Variants in TMEM108 observed in about 807,000 individuals in gnomAD.
TMEM108 encodes the protein cancer/testis antigen 124.
TMEM108 carries 12 observed loss-of-function variants against 35.1 expected under a neutral mutation model. The observed-to-expected ratio is 0.34, with a 90% CI of 0.22 to 0.55. The LOEUF (loss-of-function observed/expected upper bound fraction) is 0.55, where lower values mean the gene tolerates loss of function less well. TMEM108 is among the 20% of genes least tolerant of loss of function. The probability of loss-of-function intolerance (pLI) is 0.89; values close to 1 mark genes in which losing one functional copy is unlikely to be tolerated. For missense variants in TMEM108, 680 were observed against 753.3 expected (o/e 0.90, Z 1.14); for synonymous variants, 287 against 308.6 (o/e 0.93, Z 0.73).
At chr3:133,235,450 A>T (rs539457175) in intron 3 of TMEM108, among the ~76,000 whole-genome samples, 16 of 152,200 alleles carry the variant, frequency 1.1e-4, no homozygotes, top group Admixed American at 5.9e-4. Flanking sequence ...ATAACGCTGC[A>T]TATCTACAAC....
chr3:133,206,407 T>C (rs910368906), intron 2 of TMEM108, among the ~76,000 whole-genome samples: 1 of 152,256 alleles, frequency 6.6e-6, no homozygotes, highest in South Asian at 2.1e-4. Context: ...TTCAGCCTTT[T>C]TGGGCAGGTT....
At chr3:133,272,894 G>GGAT (rs564455161) in intron 3 of TMEM108, among the ~76,000 whole-genome samples, 64 of 152,280 alleles carry the variant, frequency 4.2e-4, no homozygotes, top group Non-Finnish European at 7.2e-4. Flanking sequence ...CAGATGCCAG[G>GGAT]GATGCTTAAC....
chr3:133,386,587 C>A, intron 4 of TMEM108: 1 of 1,462,788 alleles, frequency 6.8e-7, no homozygotes, highest in South Asian at 1.4e-5. Context: ...TAATTCCCAA[C>A]TCTGTTTTAA....
rs59215786 is a variant in TMEM108, at chr3:133,310,530, C to CTTTTTTTTTT, written c.41-69202_41-69193dup. On this transcript the variant is annotated intron_variant, in intron 3 of 5. Transcript: ENST00000321871. Reference sequence around the variant, plus strand: ...TCAGAGACTAGGATTGCAACCCCTGCTTTTTTTTTTTTTTTTTTTTTTTTT... The same window carrying CTTTTTTTTTT: ...TCAGAGACTAGGATTGCAACCCCTGCTTTTTTTTTTTTTTTTTTTTTTTTTTTTTTTTTTT... Among the ~76,000 whole-genome samples the CTTTTTTTTTT allele has an allele frequency of 2.2e-4, 5 of 22,250 alleles. 1 individual carries two copies. Among genetic ancestry groups the CTTTTTTTTTT allele is most frequent in the African/African-American group, 6.1e-4 (4 of 6,576 alleles). The allele number at this position is 22,250 out of a possible 152,430, so 14.6% of individuals were successfully genotyped here.
At chr3:133,314,069 T>C (rs780310842) in intron 3 of TMEM108, among the ~76,000 whole-genome samples, 4 of 152,170 alleles carry the variant, frequency 2.6e-5, no homozygotes, top group African/African-American at 4.8e-5. Flanking sequence ...TCTGATTTGA[T>C]TCCTGCCATG....
At chr3:133,296,606 T>A (rs1947148540) in intron 3 of TMEM108, among the ~76,000 whole-genome samples, 1 of 151,488 alleles carries the variant, frequency 6.6e-6, no homozygotes, top group Admixed American at 6.6e-5. Flanking sequence ...TTTGTCCAGA[T>A]CTCTGTCCCA....
intron 3 of TMEM108, among the ~76,000 whole-genome samples, chr3:133,331,884 C>G (rs1184927871): frequency 6.6e-6 from 1 of 152,198 alleles, no homozygotes; most frequent in East Asian, 1.9e-4. Flanking sequence ...GTTCAATTTT[C>G]TGGCTACAGG....
intron 2 of TMEM108, among the ~76,000 whole-genome samples, chr3:133,220,312 C>T (rs1329690889): frequency 2.0e-5 from 3 of 151,596 alleles, no homozygotes; most frequent in Non-Finnish European, 2.9e-5. Flanking sequence ...AGTCTCACTG[C>T]GTTGACCAGG....
At chr3:133,217,409 G>A (rs1335837030) in intron 2 of TMEM108, among the ~76,000 whole-genome samples, 1 of 151,832 alleles carries the variant, frequency 6.6e-6, no homozygotes, top group Non-Finnish European at 1.5e-5. Flanking sequence ...TTCTTTTGCT[G>A]TATAAAAGCT....
At chr3:133,061,553 C>T (rs957057427) in intron 2 of TMEM108, among the ~76,000 whole-genome samples, 1 of 152,182 alleles carries the variant, frequency 6.6e-6, no homozygotes, top group Non-Finnish European at 1.5e-5. Flanking sequence ...ATATTTAAAA[C>T]ATGCATTGCC....
At chr3:133,307,731 A>T (rs936152271) in intron 3 of TMEM108, among the ~76,000 whole-genome samples, 4 of 152,044 alleles carry the variant, frequency 2.6e-5, no homozygotes, top group Non-Finnish European at 5.9e-5. Flanking sequence ...ATCGGTCTGT[A>T]TATCTGTTTT....
At chr3:133,216,553 G>T (rs916249641) in intron 2 of TMEM108, among the ~76,000 whole-genome samples, 1 of 151,944 alleles carries the variant, frequency 6.6e-6, no homozygotes, top group African/African-American at 2.4e-5. Context: ...GAATTTATTT[G>T]TCCTAACTGA....
chr3:133,101,495 A>T (rs1944086838), intron 2 of TMEM108, among the ~76,000 whole-genome samples: 1 of 152,230 alleles, frequency 6.6e-6, no homozygotes, highest in African/African-American at 2.4e-5. Context: ...ATGTATGTAG[A>T]ACTTTTGGGG....
intron 2 of TMEM108, among the ~76,000 whole-genome samples, chr3:133,226,329 G>C (rs1946070501): frequency 6.6e-6 from 1 of 152,208 alleles, no homozygotes; most frequent in Non-Finnish European, 1.5e-5. Flanking sequence ...GGAAAGGCAA[G>C]GGAATTCTCT....
At chr3:133,193,002 C>A (rs1421265070) in intron 2 of TMEM108, among the ~76,000 whole-genome samples, 1 of 152,032 alleles carries the variant, frequency 6.6e-6, no homozygotes, top group Admixed American at 6.6e-5. Flanking sequence ...CATGAGAAAT[C>A]TTTTTCAGGA....
chr3:133,249,645 C>A (rs1349297), intron 3 of TMEM108, among the ~76,000 whole-genome samples: 92,754 of 152,002 alleles, frequency 0.61, 28,255 homozygotes, highest in South Asian at 0.65. Flanking sequence ...TGGTTTTATT[C>A]TTTTTTATGG....
intron 3 of TMEM108, chr3:133,247,607 C>T (rs994067856): frequency 6.6e-6 from 1 of 150,922 alleles, no homozygotes; most frequent in African/African-American, 2.4e-5. Context: ...TATTTTCAAT[C>T]CATATTTATA....
chr3:133,143,551 G>T (rs908425790), intron 2 of TMEM108, among the ~76,000 whole-genome samples: 3 of 152,044 alleles, frequency 2.0e-5, no homozygotes, highest in African/African-American at 7.2e-5. Flanking sequence ...TCATTCCTTT[G>T]CCTTTTATTA....
intron 2 of TMEM108, among the ~76,000 whole-genome samples, chr3:133,177,304 A>T (rs1344856993): frequency 6.6e-6 from 1 of 152,224 alleles, no homozygotes; most frequent in African/African-American, 2.4e-5. Flanking sequence ...AATCCTCCCT[A>T]ACTCATTTTA....
Sources: allele counts gnomAD v4.1 joint callset (sites outside exome capture counted in the v4.1 genomes callset), GRCh38; gene constraint gnomAD v4.1.1; transcripts MANE v1.5; gene names NCBI Gene and HGNC (gene_info 2026-07-23, HGNC 2026-07-21).